Variants in PTPRM observed in about 807,000 individuals in gnomAD.
PTPRM encodes the protein receptor-type tyrosine-protein phosphatase mu.
PTPRM carries 47 observed loss-of-function variants against 186.7 expected under a neutral mutation model. The observed-to-expected ratio is 0.25, with a 90% confidence interval of 0.20 to 0.32. PTPRM has a LOEUF of 0.32. PTPRM is among the 10% of genes least tolerant of loss of function. The probability of loss-of-function intolerance (pLI) is 1.00; values close to 1 mark genes in which losing one functional copy is unlikely to be tolerated. For synonymous variants in PTPRM, 668 were observed against 674.9 expected (o/e 0.99, Z 0.16); for missense variants, 1,494 against 1,865.0 (o/e 0.80, Z 3.66).
At chr18:7,669,670 C>T (rs2039173628) in intron 1 of PTPRM, among the ~76,000 whole-genome samples, 1 of 152,122 alleles carries the variant, frequency 6.6e-6, no homozygotes, top group African/African-American at 2.4e-5. Flanking sequence ...GCCGTTCCCT[C>T]CCCATGCAAG....
At chr18:7,573,665 C>T (rs2036616392) in intron 1 of PTPRM, among the ~76,000 whole-genome samples, 1 of 152,182 alleles carries the variant, frequency 6.6e-6, no homozygotes, top group Non-Finnish European at 1.5e-5. Context: ...TATTGGCTCA[C>T]TACAACCTCT....
At chr18:7,746,877 G>A (rs1308638403) in intron 1 of PTPRM, among the ~76,000 whole-genome samples, 1 of 152,168 alleles carries the variant, frequency 6.6e-6, no homozygotes, top group Non-Finnish European at 1.5e-5. Context: ...GCTCTCTGAA[G>A]GGTGGATGGA....
At chr18:8,142,348 G>T (rs2092785050) in intron 13 of PTPRM, among the ~76,000 whole-genome samples, 1 of 152,012 alleles carries the variant, frequency 6.6e-6, no homozygotes, top group African/African-American at 2.4e-5. Context: ...CACTTCCTGG[G>T]GTCAGTCTAA....
At chr18:8,153,796 A>G (rs2093063126) in intron 14 of PTPRM, among the ~76,000 whole-genome samples, 1 of 152,234 alleles carries the variant, frequency 6.6e-6, no homozygotes, top group Admixed American at 6.5e-5. Flanking sequence ...GGTAATCACC[A>G]CATTGTTTGG....
intron 20 of PTPRM, among the ~76,000 whole-genome samples, chr18:8,304,308 T>G (rs2095194895): frequency 6.6e-6 from 1 of 152,162 alleles, no homozygotes; most frequent in African/African-American, 2.4e-5. Flanking sequence ...AGACTTAGGG[T>G]GGGGCATAGA....
At chr18:7,729,391 C>G (rs775261315) in intron 1 of PTPRM, among the ~76,000 whole-genome samples, 3 of 152,168 alleles carry the variant, frequency 2.0e-5, no homozygotes, top group Non-Finnish European at 4.4e-5. Context: ...AATAGATGAT[C>G]TTCTCAAGAT....
chr18:8,043,964 A>G (rs1168195161), intron 7 of PTPRM, among the ~76,000 whole-genome samples: 1 of 152,178 alleles, frequency 6.6e-6, no homozygotes, highest in Non-Finnish European at 1.5e-5. Context: ...TTTGGCAGAG[A>G]CCGGGCTTCT....
intron 14 of PTPRM, among the ~76,000 whole-genome samples, chr18:8,195,306 A>C (rs1206283234): frequency 6.6e-6 from 1 of 152,126 alleles, no homozygotes; most frequent in African/African-American, 2.4e-5. Flanking sequence ...AGGTGAACCC[A>C]GTGATGGCTG....
chr18:8,270,831 C>T (rs1601572500), intron 19 of PTPRM, among the ~76,000 whole-genome samples: 1 of 151,986 alleles, frequency 6.6e-6, no homozygotes, highest in East Asian at 1.9e-4. Flanking sequence ...CGATGATTGC[C>T]AGGGGATGGG....
intron 1 of PTPRM, among the ~76,000 whole-genome samples, chr18:7,584,798 C>G (rs562098415): frequency 6.6e-6 from 1 of 152,332 alleles, no homozygotes; most frequent in South Asian, 2.1e-4. Flanking sequence ...AGAATAATAT[C>G]CCCCTGCTGG....
intron 1 of PTPRM, among the ~76,000 whole-genome samples, chr18:7,690,062 C>T (rs1051031919): frequency 1.3e-5 from 2 of 152,072 alleles, no homozygotes; most frequent in Admixed American, 6.5e-5. Context: ...CAAATGGGCA[C>T]CATAAAGACC....
chr18:8,361,621 G>C (rs1010595081), intron 23 of PTPRM, among the ~76,000 whole-genome samples: 1 of 152,182 alleles, frequency 6.6e-6, no homozygotes, highest in Non-Finnish European at 1.5e-5. Context: ...GGCTTCCAAA[G>C]AACCACATTC....
intron 4 of PTPRM, among the ~76,000 whole-genome samples, chr18:7,916,379 A>C (rs2050556802): frequency 6.6e-6 from 1 of 152,198 alleles, no homozygotes; most frequent in Non-Finnish European, 1.5e-5. Context: ...TTGCTGATAG[A>C]GTGTATGCAT....
At chr18:7,579,182 GC>G (rs2036779921) in intron 1 of PTPRM, among the ~76,000 whole-genome samples, 1 of 152,216 alleles carries the variant, frequency 6.6e-6, no homozygotes, top group Non-Finnish European at 1.5e-5. Flanking sequence ...ATCATGAAAA[GC>G]CAGCACTGCT....
chr18:7,660,966 A>G (rs1448805361), intron 1 of PTPRM, among the ~76,000 whole-genome samples: 1 of 151,940 alleles, frequency 6.6e-6, no homozygotes, highest in Non-Finnish European at 1.5e-5. Context: ...GCAAGACTCC[A>G]TCTCAAAAAA....
At chr18:8,396,096 C>T (rs2095844059) in intron 32 of PTPRM, among the ~76,000 whole-genome samples, 1 of 152,168 alleles carries the variant, frequency 6.6e-6, no homozygotes, top group Non-Finnish European at 1.5e-5. Flanking sequence ...TGGTGTGGGG[C>T]TTCACTAGGA....
chr18:7,700,793 C>T (rs149213743), intron 1 of PTPRM, among the ~76,000 whole-genome samples: 1 of 151,586 alleles, frequency 6.6e-6, no homozygotes, highest in Non-Finnish European at 1.5e-5. Flanking sequence ...GAGTTCAAGA[C>T]TAGCCTAGGC....
At chr18:7,588,544 G>A (rs2037041295) in intron 1 of PTPRM, among the ~76,000 whole-genome samples, 1 of 152,108 alleles carries the variant, frequency 6.6e-6, no homozygotes, top group Non-Finnish European at 1.5e-5. Context: ...GGAAAGCATT[G>A]CAATTATACT....
chr18:8,243,841 A>G (rs1568590566), intron 14 of PTPRM, among the ~76,000 whole-genome samples: 6 of 151,778 alleles, frequency 4.0e-5, no homozygotes, highest in Non-Finnish European at 1.5e-5. Context: ...GGGGTTTTTT[A>G]TTTTGTTTTG....
Sources: allele counts gnomAD v4.1 joint callset (sites outside exome capture counted in the v4.1 genomes callset), GRCh38; gene constraint gnomAD v4.1.1; transcripts MANE v1.5; gene names NCBI Gene and HGNC (gene_info 2026-07-23, HGNC 2026-07-21).